Variants in SEMA6D observed in about 807,000 individuals in gnomAD.
SEMA6D encodes the protein semaphorin-6D.
SEMA6D carries 35 observed loss-of-function variants against 106.6 expected under a neutral mutation model. The observed-to-expected ratio is 0.33, with a 90% CI of 0.25 to 0.44. The LOEUF is 0.44. Ranked by LOEUF, SEMA6D falls within the 20% of genes least tolerant of loss-of-function variation. The pLI is 1.00. For missense variants in SEMA6D, 1,185 were observed against 1,345.9 expected (o/e 0.88, Z 1.87); for synonymous variants, 499 against 487.7 (o/e 1.02, Z -0.31).
intron 1 of SEMA6D, among the ~76,000 whole-genome samples, chr15:47,737,464 CTTAAATTT>C (rs1433840071): frequency 6.6e-6 from 1 of 152,098 alleles, no homozygotes; most frequent in Non-Finnish European, 1.5e-5. Flanking sequence ...TCTAAAATAA[CTTAAATTT>C]TTAAAAATCT....
At chr15:47,191,329 A>G (rs955921592) in intron 1 of SEMA6D, among the ~76,000 whole-genome samples, 6 of 152,148 alleles carry the variant, frequency 3.9e-5, no homozygotes, top group African/African-American at 9.7e-5. Flanking sequence ...CTATCATCCT[A>G]AAGCTGAGGA....
At chr15:47,430,460 G>A (rs2041485804) in intron 2 of SEMA6D, among the ~76,000 whole-genome samples, 1 of 151,560 alleles carries the variant, frequency 6.6e-6, no homozygotes, top group Non-Finnish European at 1.5e-5. Flanking sequence ...AAAAATAATT[G>A]TGCTTCCTCA....
At chr15:47,653,626 T>TA (rs1285865953) in intron 4 of SEMA6D, among the ~76,000 whole-genome samples, 2 of 152,248 alleles carry the variant, frequency 1.3e-5, no homozygotes, top group Non-Finnish European at 2.9e-5. Context: ...GCCCAATACT[T>TA]ATTATCTTTG....
At chr15:47,616,163 T>C (rs1387287479) in intron 4 of SEMA6D, among the ~76,000 whole-genome samples, 1 of 147,026 alleles carries the variant, frequency 6.8e-6, no homozygotes, top group Non-Finnish European at 1.5e-5. Context: ...TGACTTAAAA[T>C]CTTTTTTTTT....
rs200679921 is a variant in SEMA6D at position 47,563,124 on chromosome 15, T to C, written c.-86-37741T>C. On this transcript the variant is annotated intron_variant, in intron 3 of 19. Coordinates refer to the SEMA6D transcript ENST00000558014. ...TTTCATGTATTTCATTTATTTCATC[T>C]TTTCTGAAAAGGCAAATATATAGTC... Among the ~76,000 whole-genome samples the C allele has an allele frequency of 4.6e-5, 7 of 152,282 alleles. No homozygotes were observed. In the East Asian group the frequency reaches 1.4e-3, roughly 29 times the overall value.
chr15:47,533,666 C>T (rs972095120), intron 3 of SEMA6D, among the ~76,000 whole-genome samples: 3 of 152,170 alleles, frequency 2.0e-5, no homozygotes, highest in African/African-American at 7.2e-5. Context: ...GCCAAAGCTG[C>T]ACCCCTTGAC....
At chr15:47,432,568 T>G (rs1158585349) in intron 2 of SEMA6D, among the ~76,000 whole-genome samples, 1 of 152,024 alleles carries the variant, frequency 6.6e-6, no homozygotes, top group East Asian at 1.9e-4. Flanking sequence ...TATACGCATA[T>G]GTATATACAT....
At chr15:47,652,468 G>T (rs760927236) in intron 4 of SEMA6D, among the ~76,000 whole-genome samples, 1 of 151,856 alleles carries the variant, frequency 6.6e-6, no homozygotes, top group African/African-American at 2.4e-5. Context: ...TCCTCACCCC[G>T]CCTGCCCGCT....
At chr15:47,551,671 C>CTGTGTGTGTGTGTGTG (rs1254929717) in intron 3 of SEMA6D, among the ~76,000 whole-genome samples, 1 of 4,238 alleles carries the variant, frequency 2.4e-4, no homozygotes, top group African/African-American at 6.0e-4. Context: ...ACATCTGGGA[C>CTGTGTGTGTGTGTGTG]TCTGTGTGTG....
chr15:47,466,034 G>A (rs1399878755), intron 2 of SEMA6D, among the ~76,000 whole-genome samples: 1 of 152,124 alleles, frequency 6.6e-6, no homozygotes, highest in Non-Finnish European at 1.5e-5. Flanking sequence ...TGGTATAATT[G>A]ACAAATAAAA....
chr15:47,707,416 A>G (rs998979009), intron 4 of SEMA6D, among the ~76,000 whole-genome samples: 1 of 152,248 alleles, frequency 6.6e-6, no homozygotes, highest in African/African-American at 2.4e-5. Flanking sequence ...TTTTAAAAGT[A>G]TCTATCAGCA....
intron 1 of SEMA6D, among the ~76,000 whole-genome samples, chr15:47,202,251 G>A (rs1894772997): frequency 6.6e-6 from 1 of 151,866 alleles, no homozygotes. Context: ...AATAATAATT[G>A]GTCACAGCCA....
At chr15:47,596,064 C>T (rs986379763) in intron 3 of SEMA6D, among the ~76,000 whole-genome samples, 6 of 151,874 alleles carry the variant, frequency 4.0e-5, no homozygotes, top group African/African-American at 1.5e-4. Flanking sequence ...TCAAAAAAAC[C>T]ATTAGAACTG....
chr15:47,340,184 T>C (rs1326037447), intron 1 of SEMA6D, among the ~76,000 whole-genome samples: 3 of 152,280 alleles, frequency 2.0e-5, no homozygotes, highest in Non-Finnish European at 2.9e-5. Context: ...GCAGAGAAGA[T>C]AATGCAGTCT....
chr15:47,742,999 C>T (rs938042036), intron 1 of SEMA6D, among the ~76,000 whole-genome samples: 1 of 152,148 alleles, frequency 6.6e-6, no homozygotes, highest in South Asian at 2.1e-4. Flanking sequence ...GTTTGCATGT[C>T]TAAAGAAAGC....
chr15:47,459,324 A>T (rs532053639), intron 2 of SEMA6D, among the ~76,000 whole-genome samples: 1 of 152,160 alleles, frequency 6.6e-6, no homozygotes, highest in African/African-American at 2.4e-5. Flanking sequence ...TGCTGTCAGG[A>T]AATGAATCCT....
intron 1 of SEMA6D, among the ~76,000 whole-genome samples, chr15:47,365,886 GAGAGGAGA>G (rs1472176989): frequency 2.2e-4 from 13 of 59,316 alleles, no homozygotes; most frequent in African/African-American, 4.4e-4. Context: ...GAGAGAGAGA[GAGAGGAGA>G]GAGAGAGAGA....
At chr15:47,537,652 T>C (rs529791520) in intron 3 of SEMA6D, among the ~76,000 whole-genome samples, 1 of 152,152 alleles carries the variant, frequency 6.6e-6, no homozygotes, top group East Asian at 1.9e-4. Flanking sequence ...GGCAAGGATG[T>C]TGGCAGTTGG....
intron 17 of SEMA6D, among the ~76,000 whole-genome samples, chr15:47,768,017 G>A (rs2082434201): frequency 2.0e-5 from 3 of 152,142 alleles, no homozygotes; most frequent in Admixed American, 6.6e-5. Context: ...TTTTACTGTG[G>A]GTGGCAGAGC....
Sources: gnomAD v4.1 joint callset for allele counts (sites outside exome capture counted in the v4.1 genomes callset) on GRCh38, gnomAD v4.1.1 for gene constraint, MANE v1.5 for transcripts, NCBI Gene and HGNC (gene_info 2026-07-23, HGNC 2026-07-21) for gene names.